ZNF385D: variants seen among roughly 807,000 people sequenced by gnomAD.
The protein encoded by ZNF385D is zinc finger protein 385D.
ZNF385D carries 15 observed loss-of-function variants against 35.8 expected under a neutral mutation model. The observed-to-expected ratio is 0.42, with a 90% CI of 0.28 to 0.64. The LOEUF is 0.64. Ranked by LOEUF, ZNF385D falls within the 30% of genes least tolerant of loss-of-function variation. The pLI is 0.23. For synonymous variants in ZNF385D, 212 were observed against 186.8 expected (o/e 1.13, Z -1.10); for missense variants, 474 against 494.6 (o/e 0.96, Z 0.39).
At chr3:21,702,073 G>A (rs143065743) in intron 1 of ZNF385D, among the ~76,000 whole-genome samples, 1,779 of 152,322 alleles carry the variant, frequency 0.012, 29 homozygotes, top group African/African-American at 0.04. Context: ...ACTAGGCAGT[G>A]CACCAGTAAG....
intron 3 of ZNF385D, among the ~76,000 whole-genome samples, chr3:22,005,893 G>A (rs1679253): frequency 0.075 from 11,389 of 152,048 alleles, 573 homozygotes; most frequent in Middle Eastern, 0.13. Context: ...AGGTACTAAA[G>A]GTCATTATTT....
intron 3 of ZNF385D, among the ~76,000 whole-genome samples, chr3:22,090,555 G>A (rs12491121): frequency 0.039 from 5,942 of 152,140 alleles, 163 homozygotes; most frequent in Non-Finnish European, 0.058. Flanking sequence ...GGGTCAGAGA[G>A]CCACCATGAG....
chr3:22,151,663 G>A (rs554473066), intron 3 of ZNF385D, among the ~76,000 whole-genome samples: 21 of 152,154 alleles, frequency 1.4e-4, no homozygotes, highest in African/African-American at 3.6e-4. Flanking sequence ...GGGCCCACCC[G>A]AATTATGAGT....
intron 2 of ZNF385D, among the ~76,000 whole-genome samples, chr3:22,173,211 A>T (rs1694585518): frequency 6.6e-6 from 1 of 152,336 alleles, no homozygotes; most frequent in South Asian, 2.1e-4. Flanking sequence ...AGTGGAGCCT[A>T]AAGAAATACT....
chr3:22,049,693 A>G (rs1447017639), intron 3 of ZNF385D, among the ~76,000 whole-genome samples: 3 of 152,172 alleles, frequency 2.0e-5, no homozygotes, highest in Non-Finnish European at 2.9e-5. Flanking sequence ...GATTCTTTCT[A>G]TACCTTATTT....
intron 1 of ZNF385D, among the ~76,000 whole-genome samples, chr3:21,684,044 A>G (rs931728363): frequency 6.7e-6 from 1 of 149,886 alleles, no homozygotes; most frequent in Non-Finnish European, 1.5e-5. Flanking sequence ...AGTTTCTGGT[A>G]ATTAATTACG....
Position 21,419,028 on chromosome 3 carries a change from CA to C in ZNF385D, c.*2185del. On this transcript the variant is annotated 3_prime_UTR_variant, in exon 8 of 8. Transcript: ENST00000281523. Reference sequence around the variant, plus strand: ...GAGATGCTGGTAAATGCAAAATCACCAGATACTTTCAAAACAAATTTTAATG... The same window carrying C: ...GAGATGCTGGTAAATGCAAAATCACCGATACTTTCAAAACAAATTTTAATG... The C allele has an allele frequency of 6.6e-6, 1 of 152,104 alleles. No homozygotes were observed. The highest frequency in any genetic ancestry group is 6.6e-5 in the Admixed American group (1 of 15,262). The allele number at this position is 152,104 out of a possible 1,614,324, so 9.4% of individuals were successfully genotyped here.
intron 2 of ZNF385D, among the ~76,000 whole-genome samples, chr3:22,359,619 G>T (rs1403892653): frequency 6.6e-6 from 1 of 151,756 alleles, no homozygotes; most frequent in Admixed American, 6.6e-5. Flanking sequence ...TAAATGTACA[G>T]AAATAGTTAA....
chr3:21,943,797 T>C (rs1018000027), intron 3 of ZNF385D, among the ~76,000 whole-genome samples: 11 of 152,132 alleles, frequency 7.2e-5, no homozygotes, highest in Non-Finnish European at 1.3e-4. Context: ...TCCTGGCAGT[T>C]TAATGGAATG....
chr3:21,726,968 A>G (rs2068791579), intron 1 of ZNF385D, among the ~76,000 whole-genome samples: 2 of 152,206 alleles, frequency 1.3e-5, no homozygotes, highest in Non-Finnish European at 2.9e-5. Context: ...TGGTACCAAA[A>G]GAGATATATA....
chr3:21,733,681 T>A (rs2069117366), intron 1 of ZNF385D, among the ~76,000 whole-genome samples: 1 of 152,218 alleles, frequency 6.6e-6, no homozygotes, highest in African/African-American at 2.4e-5. Flanking sequence ...GTGTATAAAT[T>A]TATTCACCCT....
chr3:21,711,310 G>C (rs1346949773), intron 1 of ZNF385D, among the ~76,000 whole-genome samples: 5 of 151,692 alleles, frequency 3.3e-5, no homozygotes, highest in Admixed American at 3.3e-4. Flanking sequence ...CAAAGTGCTG[G>C]GATTACAGGC....
chr3:21,768,888 A>G (rs1024116832), intron 3 of ZNF385D, among the ~76,000 whole-genome samples: 1 of 147,766 alleles, frequency 6.8e-6, no homozygotes, highest in Non-Finnish European at 1.5e-5. Flanking sequence ...TTTTGGAGTC[A>G]GACATTAAAG....
intron 3 of ZNF385D, among the ~76,000 whole-genome samples, chr3:21,536,237 A>G (rs1039404557): frequency 6.6e-6 from 1 of 152,110 alleles, no homozygotes; most frequent in Non-Finnish European, 1.5e-5. Flanking sequence ...CTCTAGCAAT[A>G]TGCTTAGTGC....
chr3:21,623,591 T>C (rs2065062040), intron 2 of ZNF385D, among the ~76,000 whole-genome samples: 1 of 151,992 alleles, frequency 6.6e-6, no homozygotes, highest in Non-Finnish European at 1.5e-5. Flanking sequence ...ATGATGGAAA[T>C]TGAGCCCACA....
intron 2 of ZNF385D, among the ~76,000 whole-genome samples, chr3:22,286,709 C>T (rs1439976952): frequency 6.6e-6 from 1 of 152,044 alleles, no homozygotes; most frequent in African/African-American, 2.4e-5. Context: ...ATGATTCCTC[C>T]TCTTACTGAT....
intron 2 of ZNF385D, among the ~76,000 whole-genome samples, chr3:21,611,917 T>C (rs2064692030): frequency 6.6e-6 from 1 of 152,136 alleles, no homozygotes; most frequent in South Asian, 2.1e-4. Context: ...TACCTCAGTA[T>C]ACTTTTATAA....
chr3:21,448,860 C>CT, intron 4 of ZNF385D, among the ~76,000 whole-genome samples: 1 of 86,794 alleles, frequency 1.2e-5, no homozygotes, highest in Admixed American at 1.2e-4. Flanking sequence ...CAGCAAACTG[C>CT]CCCAGCACCA....
intron 3 of ZNF385D, among the ~76,000 whole-genome samples, chr3:21,558,388 A>G (rs2062818109): frequency 6.6e-6 from 1 of 151,742 alleles, no homozygotes; most frequent in Admixed American, 6.6e-5. Flanking sequence ...GAACTTATTT[A>G]TTTCTGCCTT....
Sources: allele counts gnomAD v4.1 joint callset (sites outside exome capture counted in the v4.1 genomes callset), GRCh38; gene constraint gnomAD v4.1.1; transcripts MANE v1.5; gene names NCBI Gene and HGNC (gene_info 2026-07-23, HGNC 2026-07-21).